The following PSME4 variants were observed in gnomAD, a reference collection of about 807,000 sequenced individuals.
PSME4 encodes the protein proteasome activator subunit 4.
PSME4 carries 89 observed loss-of-function variants against 253.9 expected under a neutral mutation model. That is an observed-to-expected ratio of 0.35 (90% CI 0.30 to 0.42). The LOEUF (loss-of-function observed/expected upper bound fraction) is 0.42. Ranked by LOEUF, PSME4 falls within the 10% of genes least tolerant of loss-of-function variation. The probability of loss-of-function intolerance (pLI) is 1.00; values close to 1 mark genes in which losing one functional copy is unlikely to be tolerated. For missense variants in PSME4, 2,014 were observed against 2,195.2 expected (o/e 0.92, Z 1.65); for synonymous variants, 851 against 759.2 (o/e 1.12, Z -1.99).
At position 53,869,505 on chromosome 2, in the gene PSME4, G is replaced by C; in HGVS notation, c.5134C>G (p.Leu1712Val). ...REMAATTLSG[L>V]LQCNFLTMDS... is the part of the protein sequence containing the mutation. Reference sequence around the variant, plus strand: ...ATGGTAAGAAAGTTACACTGTAGCAGACCGCTTAAGGTAGTAGCAGCCATT... The same window carrying C: ...ATGGTAAGAAAGTTACACTGTAGCACACCGCTTAAGGTAGTAGCAGCCATT... Residue 1712 changes from leucine to valine, a missense_variant, in exon 44 of 47, where the codon CTG (leucine) becomes GTG (valine). Leu to Val is a conservative substitution (Grantham distance 32). Transcript: ENST00000404125. 6.4e-7 allele frequency: 1 copy of C among 1,562,730 alleles called. No homozygotes were observed. The highest frequency in any genetic ancestry group is 8.7e-7 in the Non-Finnish European group (1 of 1,144,066).
chr2:53,868,576 A>C (rs966863271), intron 44 of PSME4, among the ~76,000 whole-genome samples: 1 of 103,838 alleles, frequency 9.6e-6, no homozygotes, highest in Non-Finnish European at 1.8e-5. Context: ...TATATATTAT[A>C]AAATATATTT....
chr2:53,872,038 G>A (rs961347595), intron 43 of PSME4, among the ~76,000 whole-genome samples: 2 of 152,060 alleles, frequency 1.3e-5, no homozygotes, highest in South Asian at 2.1e-4. Context: ...GGCGGGGATG[G>A]TAAATCTCTT....
At chr2:53,885,646 G>T in intron 41 of PSME4, 44 bp downstream of exon 41, 2 of 1,416,548 alleles carry the variant, frequency 1.4e-6, no homozygotes, top group Non-Finnish European at 2.0e-6. Context: ...AATTCCTTAT[G>T]AAGGTCAAAA....
intron 1 of PSME4, among the ~76,000 whole-genome samples, chr2:53,967,332 G>C (rs1670782176): frequency 6.6e-6 from 1 of 151,876 alleles, no homozygotes; most frequent in Non-Finnish European, 1.5e-5. Flanking sequence ...TTTCTAAATG[G>C]ACTGAACTAC....
intron 41 of PSME4, among the ~76,000 whole-genome samples, chr2:53,876,142 C>T (rs1233468490): frequency 3.3e-5 from 5 of 152,176 alleles, no homozygotes; most frequent in African/African-American, 4.8e-5. Context: ...ACTCAGATTT[C>T]CCCAAGTACC....
intron 37 of PSME4, among the ~76,000 whole-genome samples, chr2:53,889,067 G>A (rs1383102410): frequency 6.6e-5 from 10 of 152,098 alleles, no homozygotes; most frequent in East Asian, 3.8e-4. Context: ...GTCTCCCTAC[G>A]TTGCCCAGGC....
intron 21 of PSME4, among the ~76,000 whole-genome samples, chr2:53,909,758 T>C (rs1352549872): frequency 6.6e-6 from 1 of 152,168 alleles, no homozygotes; most frequent in Admixed American, 6.5e-5. Flanking sequence ...TGTCAGGAGC[T>C]GGAGACCAGC....
intron 34 of PSME4, among the ~76,000 whole-genome samples, chr2:53,894,696 C>A (rs74375835): frequency 0.011 from 1,578 of 149,928 alleles, 21 homozygotes; most frequent in African/African-American, 0.039. Context: ...CAGTCATTAA[C>A]TTTTCCTTCA....
At chr2:53,877,940 C>T (rs1679210980) in intron 41 of PSME4, among the ~76,000 whole-genome samples, 1 of 152,090 alleles carries the variant, frequency 6.6e-6, no homozygotes, top group Non-Finnish European at 1.5e-5. Context: ...TAAAACCATA[C>T]TGAGTTATAT....
chr2:53,958,855 C>A (rs916653622), intron 1 of PSME4, among the ~76,000 whole-genome samples: 14 of 148,312 alleles, frequency 9.4e-5, no homozygotes, highest in African/African-American at 3.5e-4. Flanking sequence ...TCCTGTATAG[C>A]ATCCAGATAA....
rs565788120 is a variant in PSME4, at chr2:53,938,662, T to C, written c.546-1122A>G. Among the ~76,000 whole-genome samples, 46 of 152,238 alleles carry C rather than the reference T, an allele frequency of 3.0e-4. 1 individual carries two copies. In the East Asian group the frequency reaches 8.7e-3, roughly 29 times the overall value. ...ATGAAAAATTCTGATTCTTTCCAAA[T>C]AAGTTGGGAAACTCTTTCAAATAGA... On this transcript the variant is annotated intron_variant, in intron 4 of 46. Transcript: ENST00000404125.
rs138447118 is a variant in PSME4, at chr2:53,969,881, C to A, written c.242+662G>T. On this transcript the variant is annotated intron_variant, in intron 1 of 46. Coordinates refer to ENST00000404125, the MANE Select transcript of PSME4 (RefSeq NM_014614.3). ...TTCCTCAGTATCTTAAATGTCTCTCCAAAAGAAATGTCACAACAGGAGCAA... is the reference window on the plus strand; with the variant it reads ...TTCCTCAGTATCTTAAATGTCTCTCAAAAAGAAATGTCACAACAGGAGCAA... Among the ~76,000 whole-genome samples, 148 of 152,110 alleles carry A rather than the reference C, an allele frequency of 9.7e-4. 1 individual carries two copies. The highest frequency in any genetic ancestry group is 3.5e-3 in the African/African-American group (145 of 41,496).
At chr2:53,927,150 T>C (rs1261127508) in intron 12 of PSME4, among the ~76,000 whole-genome samples, 2 of 152,112 alleles carry the variant, frequency 1.3e-5, no homozygotes, top group East Asian at 1.9e-4. Flanking sequence ...AAAAGTGACA[T>C]AAAACTGAAA....
chr2:53,902,409 A>T (rs960468106), intron 27 of PSME4, among the ~76,000 whole-genome samples: 1 of 152,200 alleles, frequency 6.6e-6, no homozygotes, highest in African/African-American at 2.4e-5. Flanking sequence ...GCTTTTTCAT[A>T]AAAAGTTTTT....
intron 20 of PSME4, among the ~76,000 whole-genome samples, chr2:53,910,374 C>T (rs1224778398): frequency 6.6e-6 from 1 of 152,010 alleles, no homozygotes; most frequent in African/African-American, 2.4e-5. Flanking sequence ...CCTAAAGGAA[C>T]ATAATATTGA....
In PSME4 at chr2:53,927,393, C is replaced by G; in HGVS notation, c.1593+1G>C. ...CTTTTATAACCATAAAATACCCTTA[C>G]TTCTGTGAGGTCATTTCTTTCTTGT... On this transcript the variant is annotated splice_donor_variant, in intron 12 of 46. Transcript: ENST00000404125. LOFTEE classifies it high-confidence loss of function. 1 of 1,549,120 alleles carries G rather than the reference C, an allele frequency of 6.5e-7. No homozygotes were observed. The highest frequency in any genetic ancestry group is 8.9e-7 in the Non-Finnish European group (1 of 1,121,032).
intron 1 of PSME4, among the ~76,000 whole-genome samples, chr2:53,955,734 C>T (rs538804129): frequency 1.3e-5 from 2 of 152,186 alleles, no homozygotes; most frequent in East Asian, 3.9e-4. Context: ...CCAGCCTGGG[C>T]AACACTGCGA....
intron 33 of PSME4, 81 bp from the exon 34 acceptor site, chr2:53,895,157 T>A: frequency 1.6e-6 from 2 of 1,254,236 alleles, no homozygotes; most frequent in Non-Finnish European, 2.2e-6. Context: ...TAGAAGGCAC[T>A]TTTAATGAAC....
intron 11 of PSME4, 54 bp from the exon 12 acceptor site, chr2:53,927,537 C>T (rs1368317098): frequency 4.1e-6 from 5 of 1,223,454 alleles, no homozygotes; most frequent in Non-Finnish European, 6.0e-6. Context: ...TTCAGAAATA[C>T]AAGTATACCA....
Sources: gnomAD v4.1 joint callset for allele counts (sites outside exome capture counted in the v4.1 genomes callset) on GRCh38, gnomAD v4.1.1 for gene constraint, MANE v1.5 for transcripts, NCBI Gene and HGNC (gene_info 2026-07-23, HGNC 2026-07-21) for gene names.